RBMS3: variants seen among roughly 807,000 people sequenced by gnomAD.
RBMS3 encodes RNA binding motif single stranded interacting protein 3, also known as RNA-binding motif, single-stranded-interacting protein 3.
In RBMS3, 27 loss-of-function variants were observed where a neutral mutation model predicts 66.8. That is an observed-to-expected ratio of 0.40 (90% CI 0.30 to 0.56). The LOEUF is 0.56. Ranked by LOEUF, RBMS3 falls within the 20% of genes least tolerant of loss-of-function variation. The pLI is 0.40. For missense variants in RBMS3, 513 were observed against 549.5 expected (o/e 0.93, Z 0.66); for synonymous variants, 188 against 183.0 (o/e 1.03, Z -0.22).
At chr3:29,885,060 T>G (rs1253306083) in intron 8 of RBMS3, among the ~76,000 whole-genome samples, 1 of 151,910 alleles carries the variant, frequency 6.6e-6, no homozygotes, top group African/African-American at 2.4e-5. Flanking sequence ...TGAAAGTATT[T>G]AAATAATTAC....
At chr3:29,473,863 C>G (rs1045379487) in intron 2 of RBMS3, among the ~76,000 whole-genome samples, 6 of 152,258 alleles carry the variant, frequency 3.9e-5, no homozygotes, top group African/African-American at 1.4e-4. Context: ...CGCGCAGCCC[C>G]GGTTCCCGCT....
chr3:29,572,241 T>C (rs377519207), intron 3 of RBMS3, among the ~76,000 whole-genome samples: 2 of 150,812 alleles, frequency 1.3e-5, no homozygotes, highest in African/African-American at 5.0e-5. Flanking sequence ...TTGACTTCTT[T>C]CTTTGTCATT....
chr3:29,389,370 G>T (rs2039175483), intron 1 of RBMS3, among the ~76,000 whole-genome samples: 1 of 152,194 alleles, frequency 6.6e-6, no homozygotes, highest in Non-Finnish European at 1.5e-5. Flanking sequence ...TGCTGCAGAA[G>T]TGCGCTTGGC....
At chr3:29,466,905 G>A (rs2042563393) in intron 2 of RBMS3, among the ~76,000 whole-genome samples, 1 of 152,032 alleles carries the variant, frequency 6.6e-6, no homozygotes, top group Non-Finnish European at 1.5e-5. Context: ...ACTAATTGAT[G>A]GTGCCAGTGA....
intron 11 of RBMS3, among the ~76,000 whole-genome samples, chr3:29,938,581 T>C (rs1219023144): frequency 6.6e-6 from 1 of 152,026 alleles, no homozygotes; most frequent in Non-Finnish European, 1.5e-5. Flanking sequence ...TATATTGTTT[T>C]CTTAGACTGT....
At chr3:29,315,454 A>G (rs1164932908) in intron 1 of RBMS3, among the ~76,000 whole-genome samples, 1 of 151,828 alleles carries the variant, frequency 6.6e-6, no homozygotes, top group Admixed American at 6.6e-5. Context: ...GTACACACAT[A>G]CATATATTTG....
chr3:29,644,937 G>T (rs571197454), intron 4 of RBMS3, among the ~76,000 whole-genome samples: 1 of 152,238 alleles, frequency 6.6e-6, no homozygotes, highest in East Asian at 1.9e-4. Context: ...CAACATATAT[G>T]AGAAATTAAT....
At chr3:29,623,348 T>G (rs1363266788) in intron 4 of RBMS3, among the ~76,000 whole-genome samples, 2 of 151,916 alleles carry the variant, frequency 1.3e-5, no homozygotes, top group Non-Finnish European at 2.9e-5. Context: ...ATCCCAGCAC[T>G]TTGGGACGCC....
intron 3 of RBMS3, among the ~76,000 whole-genome samples, chr3:29,502,533 C>G (rs1185737771): frequency 6.6e-6 from 1 of 152,068 alleles, no homozygotes; most frequent in African/African-American, 2.4e-5. Context: ...CACTTCCATC[C>G]CACTATAAAC....
At chr3:29,420,394 T>G (rs2040662090) in intron 1 of RBMS3, among the ~76,000 whole-genome samples, 1 of 152,190 alleles carries the variant, frequency 6.6e-6, no homozygotes, top group East Asian at 1.9e-4. Context: ...TTTAGGATGC[T>G]GGGCAGTTGC....
intron 14 of RBMS3, among the ~76,000 whole-genome samples, chr3:29,997,323 G>A (rs963659297): frequency 1.2e-4 from 18 of 150,976 alleles, no homozygotes; most frequent in Non-Finnish European, 2.1e-4. Flanking sequence ...ATTCACAGCC[G>A]AATTCTACCA....
In RBMS3 at chr3:30,007,642, C is replaced by T. The variant is rs939433531; in HGVS notation, c.*3780C>T. 3 of 152,070 alleles carry T rather than the reference C, an allele frequency of 2.0e-5. No homozygotes were observed. Among genetic ancestry groups the T allele is most frequent in the Admixed American group, 6.6e-5 (1 of 15,250 alleles). The allele number at this position is 152,070 out of a possible 1,614,324, so 9.4% of individuals were successfully genotyped here. ...AGACAACGTAATGAGCCCAAGTGAA[C>T]TGAAGGTCATACTGGCAGGTGCTGA... is the stretch of plus-strand genomic sequence containing the variant. On this transcript the variant is annotated 3_prime_UTR_variant, in exon 15 of 15. Coordinates refer to ENST00000383767, the MANE Select transcript of RBMS3 (RefSeq NM_001003793.3).
At chr3:29,685,564 G>C (rs1406186123) in intron 4 of RBMS3, among the ~76,000 whole-genome samples, 1 of 152,008 alleles carries the variant, frequency 6.6e-6, no homozygotes, top group Non-Finnish European at 1.5e-5. Flanking sequence ...ACAAGTTCCG[G>C]TTTCCTCCTT....
At chr3:29,530,992 G>C (rs2045333122) in intron 3 of RBMS3, among the ~76,000 whole-genome samples, 1 of 152,164 alleles carries the variant, frequency 6.6e-6, no homozygotes, top group African/African-American at 2.4e-5. Context: ...CCTCTCAAGA[G>C]CTTAATGGGT....
Position 29,281,333 on chromosome 3 carries a change from G to C in RBMS3, c.-349G>C. Reference sequence around the variant, plus strand: ...TTGATTTTTTTCCCCCTTTACGAACGCTGGCAATTGACATCACTACAGACA... The same window carrying C: ...TTGATTTTTTTCCCCCTTTACGAACCCTGGCAATTGACATCACTACAGACA... On this transcript the variant is annotated 5_prime_UTR_variant, in exon 1 of 15. Transcript: ENST00000383767. 2 of 279,420 alleles carry C rather than the reference G, an allele frequency of 7.2e-6. No individual in the cohort carries two copies. Among genetic ancestry groups the C allele is most frequent in the East Asian group, 7.5e-5 (1 of 13,400 alleles). 17.3% of individuals were successfully genotyped at this position (279,420 alleles called of 1,614,324 possible).
intron 3 of RBMS3, among the ~76,000 whole-genome samples, chr3:29,536,416 A>G (rs2045560178): frequency 6.6e-6 from 1 of 152,196 alleles, no homozygotes; most frequent in South Asian, 2.1e-4. Context: ...CTGAATGAAT[A>G]TTAAGATTGC....
intron 3 of RBMS3, among the ~76,000 whole-genome samples, chr3:29,582,416 C>T (rs2149086048): frequency 6.6e-6 from 1 of 152,328 alleles, no homozygotes. Flanking sequence ...TGCTGGCCTT[C>T]TCCCCCTGAC....
intron 3 of RBMS3, among the ~76,000 whole-genome samples, chr3:29,508,666 C>T (rs183371432): frequency 3.0e-4 from 45 of 151,756 alleles, no homozygotes; most frequent in South Asian, 6.2e-4. Flanking sequence ...AACATACGTG[C>T]GCTTTTTTTT....
At chr3:29,563,508 A>G (rs1449339413) in intron 3 of RBMS3, among the ~76,000 whole-genome samples, 1 of 152,174 alleles carries the variant, frequency 6.6e-6, no homozygotes, top group Admixed American at 6.5e-5. Context: ...GTTTCAGGCA[A>G]TTCTTACATC....
Sources: allele counts gnomAD v4.1 joint callset (sites outside exome capture counted in the v4.1 genomes callset), GRCh38; gene constraint gnomAD v4.1.1; transcripts MANE v1.5; gene names NCBI Gene and HGNC (gene_info 2026-07-23, HGNC 2026-07-21).